The following SGCZ variants were observed in gnomAD, a reference collection of about 807,000 sequenced individuals.
The protein encoded by SGCZ is sarcoglycan zeta.
A neutral mutation model predicts 41.3 loss-of-function variants in SGCZ; 40 were observed. The ratio of observed to expected loss-of-function variants is 0.97; its 90% CI spans 0.75 to 1.26. SGCZ has a LOEUF of 1.26. Among genes scored for constraint, SGCZ ranks in the 50% most tolerant of loss-of-function variants. SGCZ has a pLI of 0.00. For synonymous variants in SGCZ, 206 were observed against 137.5 expected, an observed-to-expected ratio of 1.50 and a Z score of -3.49; for missense variants, 552 against 369.8, an observed-to-expected ratio of 1.49 and a Z score of -4.04.
At chr8:14,940,611 G>C (rs916412958) in intron 1 of SGCZ, among the ~76,000 whole-genome samples, 1 of 152,062 alleles carries the variant, frequency 6.6e-6, no homozygotes, top group African/African-American at 2.4e-5. Flanking sequence ...TAAATGTCAT[G>C]AAAAATTCAT....
At chr8:14,608,654 G>GT (rs1805829971) in intron 1 of SGCZ, among the ~76,000 whole-genome samples, 1 of 406 alleles carries the variant, frequency 2.5e-3, no homozygotes, top group Non-Finnish European at 6.7e-3. Flanking sequence ...TACATTTGGT[G>GT]GGCTGGTGGA....
chr8:14,200,300 A>G (rs1170200094), intron 4 of SGCZ, among the ~76,000 whole-genome samples: 2 of 152,236 alleles, frequency 1.3e-5, no homozygotes, highest in African/African-American at 4.8e-5. Context: ...AAACAGGTAT[A>G]GTCCATGCAT....
At chr8:14,903,124 T>G (rs554093981) in intron 1 of SGCZ, among the ~76,000 whole-genome samples, 3 of 152,140 alleles carry the variant, frequency 2.0e-5, no homozygotes, top group African/African-American at 7.2e-5. Context: ...TAAGTTTAAT[T>G]AAGTCCTTCT....
chr8:14,801,188 G>C (rs1444837381), intron 1 of SGCZ, among the ~76,000 whole-genome samples: 1 of 152,114 alleles, frequency 6.6e-6, no homozygotes, highest in African/African-American at 2.4e-5. Flanking sequence ...TGTTTGTGTT[G>C]TGTGTGTATG....
intron 4 of SGCZ, among the ~76,000 whole-genome samples, chr8:14,186,787 T>C (rs773956785): frequency 7.2e-5 from 11 of 152,126 alleles, no homozygotes; most frequent in Non-Finnish European, 1.3e-4. Context: ...GTGATGAAAG[T>C]AATTAAAAGG....
chr8:14,730,604 G>A (rs1810206251), intron 1 of SGCZ, among the ~76,000 whole-genome samples: 1 of 148,846 alleles, frequency 6.7e-6, no homozygotes, highest in African/African-American at 2.5e-5. Flanking sequence ...GCTAACATCA[G>A]GTTCTGCTTG....
At chr8:14,257,464 A>G (rs1178606527) in intron 3 of SGCZ, among the ~76,000 whole-genome samples, 1 of 150,320 alleles carries the variant, frequency 6.7e-6, no homozygotes, top group East Asian at 2.0e-4. Context: ...AATACATCCA[A>G]AAAGTACATT....
chr8:14,728,325 T>C (rs1302642504), intron 1 of SGCZ, among the ~76,000 whole-genome samples: 1 of 144,810 alleles, frequency 6.9e-6, no homozygotes, highest in Non-Finnish European at 1.5e-5. Context: ...ACTAAAGCTT[T>C]AAGCATTCAT....
At chr8:14,384,094 T>G (rs1228374148) in intron 2 of SGCZ, among the ~76,000 whole-genome samples, 2 of 152,056 alleles carry the variant, frequency 1.3e-5, no homozygotes, top group Non-Finnish European at 2.9e-5. Flanking sequence ...TAGGTATGTC[T>G]CCTAATGCTA....
intron 5 of SGCZ, among the ~76,000 whole-genome samples, chr8:14,128,221 AT>A (rs1802925470): frequency 6.6e-6 from 1 of 152,204 alleles, no homozygotes; most frequent in Non-Finnish European, 1.5e-5. Context: ...ATAAACAGGC[AT>A]TTTTCAAAGG....
At chr8:14,822,089 C>T (rs1368830986) in intron 1 of SGCZ, among the ~76,000 whole-genome samples, 2 of 151,706 alleles carry the variant, frequency 1.3e-5, no homozygotes. Flanking sequence ...CACACACACA[C>T]ACACACACAC....
chr8:14,788,462 C>G (rs1015090863), intron 1 of SGCZ, among the ~76,000 whole-genome samples: 1 of 152,086 alleles, frequency 6.6e-6, no homozygotes, highest in South Asian at 2.1e-4. Flanking sequence ...CTTTGTTAAC[C>G]GTGAAATTTT....
At chr8:14,996,489 A>G (rs1802224950) in intron 1 of SGCZ, among the ~76,000 whole-genome samples, 1 of 151,742 alleles carries the variant, frequency 6.6e-6, no homozygotes, top group South Asian at 2.1e-4. Flanking sequence ...GCAGCCTTGA[A>G]CTCTTGAACT....
chr8:15,036,841 C>G (rs565092357), intron 1 of SGCZ, among the ~76,000 whole-genome samples: 1 of 152,112 alleles, frequency 6.6e-6, no homozygotes, highest in African/African-American at 2.4e-5. Flanking sequence ...CAAAAGTCCT[C>G]AACAAACCAC....
intron 5 of SGCZ, among the ~76,000 whole-genome samples, chr8:14,156,255 G>A (rs1442700494): frequency 6.6e-6 from 1 of 152,026 alleles, no homozygotes; most frequent in African/African-American, 2.4e-5. Context: ...GTCAGGAGAT[G>A]GAGACCATCC....
At chr8:14,236,991 A>G (rs370099744) in intron 4 of SGCZ, among the ~76,000 whole-genome samples, 1 of 152,078 alleles carries the variant, frequency 6.6e-6, no homozygotes, top group East Asian at 1.9e-4. Context: ...TATAGAAGTA[A>G]TTGATAAATG....
intron 1 of SGCZ, among the ~76,000 whole-genome samples, chr8:15,229,502 T>A (rs535421198): frequency 6.6e-6 from 1 of 152,200 alleles, no homozygotes; most frequent in Non-Finnish European, 1.5e-5. Flanking sequence ...AAAAGATTTA[T>A]AAAATTAAAT....
At chr8:14,521,992 T>G (rs370900561) in intron 2 of SGCZ, among the ~76,000 whole-genome samples, 2 of 152,236 alleles carry the variant, frequency 1.3e-5, no homozygotes, top group East Asian at 3.9e-4. Flanking sequence ...TTAAAATGTT[T>G]TTTTCTAAAT....
Position 14,244,168 on chromosome 8 carries a change from C to G in SGCZ, c.337-6489G>C, listed in dbSNP as rs572362716. On this transcript the variant is annotated intron_variant, in intron 3 of 7. Transcript: ENST00000382080. The stretch of plus-strand genomic sequence containing the variant: ...TTCTTCCTCCTCCTCTTCCTTCTTC[C>G]TCCTCCTCTTCCTTCTTCCTCCTCC... Among the ~76,000 whole-genome samples, 392 of 150,202 alleles carry G rather than the reference C, an allele frequency of 2.6e-3. 4 individuals carry two copies. Among genetic ancestry groups the G allele is most frequent in the Non-Finnish European group, 4.4e-3 (294 of 67,386 alleles).
Sources: allele counts gnomAD v4.1 joint callset (sites outside exome capture counted in the v4.1 genomes callset), GRCh38; gene constraint gnomAD v4.1.1; transcripts MANE v1.5; gene names NCBI Gene and HGNC (gene_info 2026-07-23, HGNC 2026-07-21).